The following SIAH1 variants were observed in gnomAD, a reference collection of about 807,000 sequenced individuals.
SIAH1 encodes the protein E3 ubiquitin-protein ligase SIAH1.
SIAH1 carries 2 observed loss-of-function variants against 20.0 expected under a neutral mutation model. The ratio of observed to expected loss-of-function variants is 0.10; its 90% confidence interval spans 0.04 to 0.31. The LOEUF is 0.31. Among genes scored for constraint, SIAH1 ranks in the 10% least tolerant of loss-of-function variants. The pLI is 1.00. For missense variants in SIAH1, 119 were observed against 355.3 expected (o/e 0.33, Z 5.35); for synonymous variants, 118 against 125.3 (o/e 0.94, Z 0.39).
Position 48,385,289 on chromosome 16 carries a change from G to A in SIAH1, c.-88C>T, listed in dbSNP as rs1419740537. On this transcript the variant is annotated 5_prime_UTR_variant, in exon 1 of 2. Coordinates refer to ENST00000394725, the MANE Select transcript of SIAH1 (RefSeq NM_003031.4). ...CCCCGCCACCGCGGGCAGCGCCACCGCCTCTTCCCGGCGCCGAGACCGACG... is the reference window on the plus strand; with the variant it reads ...CCCCGCCACCGCGGGCAGCGCCACCACCTCTTCCCGGCGCCGAGACCGACG... 2.4e-5 allele frequency: 7 copies of A among 291,396 alleles called. No homozygotes were observed. The highest frequency in any genetic ancestry group is 5.2e-5 in the Non-Finnish European group (7 of 135,776). 18.1% of individuals were successfully genotyped at this position (291,396 alleles called of 1,614,324 possible). A position where few individuals can be genotyped will look rare whatever the true frequency, so the allele number is the denominator to read the frequency against.
rs902353593 is a variant in SIAH1, at chr16:48,361,087, A to G, written c.*493T>C. The G allele has an allele frequency of 1.3e-5, 2 of 152,832 alleles. No individual in the cohort carries two copies. The highest frequency in any genetic ancestry group is 2.9e-5 in the Non-Finnish European group (2 of 68,218). 9.5% of individuals were successfully genotyped at this position (152,832 alleles called of 1,614,324 possible). A position where few individuals can be genotyped will look rare whatever the true frequency, so the allele number is the denominator to read the frequency against. Reference sequence around the variant, plus strand: ...GTCAAATTTATTTAATGAAAAACTAAAATTAATAAAAATTAGCAAATACAC... The same window carrying G: ...GTCAAATTTATTTAATGAAAAACTAGAATTAATAAAAATTAGCAAATACAC... On this transcript the variant is annotated 3_prime_UTR_variant, in exon 2 of 2. Coordinates refer to ENST00000394725, the MANE Select transcript of SIAH1 (RefSeq NM_003031.4).
At chr16:48,379,232 T>C (rs934386182) in intron 1 of SIAH1, among the ~76,000 whole-genome samples, 23 of 146,800 alleles carry the variant, frequency 1.6e-4, no homozygotes, top group African/African-American at 5.8e-4. Flanking sequence ...CATTAGGACA[T>C]GGGGGCTGGG....
At chr16:48,366,272 C>T (rs945793141) in intron 1 of SIAH1, among the ~76,000 whole-genome samples, 1 of 152,156 alleles carries the variant, frequency 6.6e-6, no homozygotes, top group Non-Finnish European at 1.5e-5. Context: ...GCCACACTGG[C>T]GCTACGCTCC....
intron 1 of SIAH1, among the ~76,000 whole-genome samples, chr16:48,384,759 GC>G (rs965554230): frequency 2.6e-5 from 4 of 151,266 alleles, no homozygotes; most frequent in African/African-American, 9.7e-5. Context: ...CCCGGCAGCT[GC>G]CCGCACTCAG....
At chr16:48,376,011 T>G (rs537281875) in intron 1 of SIAH1, among the ~76,000 whole-genome samples, 1 of 152,274 alleles carries the variant, frequency 6.6e-6, no homozygotes. Context: ...AGTACACAGT[T>G]CAAACATATA....
rs58922931 is a variant in SIAH1, at chr16:48,376,192, T to A, written c.-3+9012A>T. Among the ~76,000 whole-genome samples, 695 of 152,292 alleles carry A rather than the reference T, an allele frequency of 4.6e-3. 9 individuals carry two copies. The highest frequency in any genetic ancestry group is 0.016 in the African/African-American group (646 of 41,550). On this transcript the variant is annotated intron_variant, in intron 1 of 1. Coordinates refer to ENST00000394725, the MANE Select transcript of SIAH1 (RefSeq NM_003031.4). Reference sequence around the variant, plus strand: ...AGTAATCAGATTATAAATAATAGTTTGGGGGTGAGGAGGGATTTCGGTATC... The same window carrying A: ...AGTAATCAGATTATAAATAATAGTTAGGGGGTGAGGAGGGATTTCGGTATC...
At chr16:48,373,706 T>A (rs756209282) in intron 1 of SIAH1, among the ~76,000 whole-genome samples, 1 of 152,194 alleles carries the variant, frequency 6.6e-6, no homozygotes, top group Non-Finnish European at 1.5e-5. Flanking sequence ...CTCCGTTTTA[T>A]ATCAGATGAC....
chr16:48,363,461 AG>A (rs1232398522), intron 1 of SIAH1: 1 of 167,146 alleles, frequency 6.0e-6, no homozygotes, highest in Non-Finnish European at 1.5e-5. Context: ...ACTAAGGTGA[AG>A]TGAGGCATGG....
At chr16:48,386,625 T>C (rs1283921589), upstream of SIAH1, among the ~76,000 whole-genome samples, 2 of 152,246 alleles carry the variant, frequency 1.3e-5, no homozygotes, top group African/African-American at 4.8e-5. Flanking sequence ...ATTACATGAT[T>C]TAAACTGCAA....
chr16:48,369,094 TCAA>T (rs935073868), intron 1 of SIAH1, among the ~76,000 whole-genome samples: 15 of 152,220 alleles, frequency 9.9e-5, no homozygotes, highest in Non-Finnish European at 2.2e-4. Flanking sequence ...TCTTAAAAAT[TCAA>T]CAAGTTAAAA....
chr16:48,363,004 CAT>C (rs139428195), intron 1 of SIAH1: 2,765 of 166,702 alleles, frequency 0.017, 76 homozygotes, highest in African/African-American at 0.062. Context: ...CAACTATTTA[CAT>C]ATTGTTTACA....
chr16:48,374,476 G>C (rs1961055373), intron 1 of SIAH1, among the ~76,000 whole-genome samples: 1 of 152,138 alleles, frequency 6.6e-6, no homozygotes, highest in Non-Finnish European at 1.5e-5. Flanking sequence ...ACCTCCCCTG[G>C]ATATGTTCTT....
At chr16:48,365,891 AGCCTGCCT>A (rs747418898) in intron 1 of SIAH1, 23 of 1,234,462 alleles carry the variant, frequency 1.9e-5, no homozygotes, top group Non-Finnish European at 2.1e-5. Context: ...TTACTGCAGG[AGCCTGCCT>A]GCCGGGAGAG....
At chr16:48,371,052 T>C (rs1454064438) in intron 1 of SIAH1, among the ~76,000 whole-genome samples, 1 of 150,044 alleles carries the variant, frequency 6.7e-6, no homozygotes, top group East Asian at 2.0e-4. Flanking sequence ...AGGGGGAGGT[T>C]GCAGTGAGCC....
chr16:48,373,704 T>G (rs1307845045), intron 1 of SIAH1, among the ~76,000 whole-genome samples: 1 of 152,222 alleles, frequency 6.6e-6, no homozygotes, highest in Non-Finnish European at 1.5e-5. Flanking sequence ...AGCTCCGTTT[T>G]ATATCAGATG....
intron 1 of SIAH1, among the ~76,000 whole-genome samples, chr16:48,367,700 G>T (rs1046949140): frequency 6.6e-5 from 10 of 152,208 alleles, no homozygotes; most frequent in African/African-American, 1.9e-4. Flanking sequence ...CCTTGCAAAG[G>T]TGATCAAACA....
At chr16:48,366,770 A>C (rs547847060) in intron 1 of SIAH1, among the ~76,000 whole-genome samples, 1 of 152,358 alleles carries the variant, frequency 6.6e-6, no homozygotes, top group East Asian at 1.9e-4. Flanking sequence ...TTTCAGCAGG[A>C]AATTTTAACT....
At chr16:48,371,300 G>C (rs1325499788) in intron 1 of SIAH1, among the ~76,000 whole-genome samples, 1 of 152,116 alleles carries the variant, frequency 6.6e-6, no homozygotes, top group Non-Finnish European at 1.5e-5. Context: ...AGCACAGCCA[G>C]ATGTTTTGTT....
chr16:48,384,298 T>C (rs1961378673), intron 1 of SIAH1, among the ~76,000 whole-genome samples: 4 of 152,164 alleles, frequency 2.6e-5, no homozygotes, highest in Admixed American at 2.6e-4. Flanking sequence ...ACACACAATC[T>C]GATTTTCCGA....
Sources: gnomAD v4.1 joint callset for allele counts (sites outside exome capture counted in the v4.1 genomes callset) on GRCh38, gnomAD v4.1.1 for gene constraint, MANE v1.5 for transcripts, NCBI Gene and HGNC (gene_info 2026-07-23, HGNC 2026-07-21) for gene names.